Variants in TROAP observed in about 807,000 individuals in gnomAD.
TROAP encodes tastin.
Under a neutral mutation model 83.4 loss-of-function variants are expected in TROAP, and 62 were observed. The observed-to-expected ratio is 0.74, with a 90% confidence interval of 0.61 to 0.92. The LOEUF (loss-of-function observed/expected upper bound fraction) is 0.92. TROAP is among the 40% of genes least tolerant of loss of function. The pLI is 0.00. For missense variants in TROAP, 876 were observed against 985.1 expected, an observed-to-expected ratio of 0.89 and a Z score of 1.48; for synonymous variants, 352 against 386.4, an observed-to-expected ratio of 0.91 and a Z score of 1.04.
At chr12:49,326,045 T>C (rs779879605) in intron 5 of TROAP, 31 bp from the exon 6 acceptor site, 27 of 1,611,904 alleles carry the variant, frequency 1.7e-5, no homozygotes, top group Non-Finnish European at 2.2e-5. Context: ...CACCTCTGAT[T>C]CCGTTTTCAT....
rs374468033 is a variant in TROAP at position 49,331,091 on chromosome 12, G to A, written c.2099-123G>A. ...CTGGCTCTCCCTCAGGAAGAGGGGA[G>A]GGGCTGCACTTCCAGCCCTGTGCTC... On this transcript the variant is annotated intron_variant, in intron 13 of 14. Coordinates refer to ENST00000257909, the MANE Select transcript of TROAP (RefSeq NM_005480.4). The A allele has an allele frequency of 1.8e-4, 280 of 1,522,698 alleles. No homozygotes were observed. In the African/African-American group the frequency reaches 3.2e-3, roughly 17 times the overall value. 94.3% of individuals were successfully genotyped at this position (1,522,698 alleles called of 1,614,324 possible).
rs773158155 is a variant in TROAP at position 49,329,927 on chromosome 12, C to T, written c.1235C>T (p.Pro412Leu). Residue 412 changes from proline to leucine, a missense_variant, in exon 12 of 15, where the codon CCG becomes CTG. Pro to Leu is a moderately conservative substitution (Grantham distance 98). Transcript: ENST00000257909. The surrounding 1 kb of genome is among the most constrained non-coding windows in gnomAD (Gnocchi z 4.5). The part of the protein sequence containing the change: ...IRSLEGSGKP[P>L]VATPSGPHSN... Reference sequence around the variant, plus strand: ...TCACTGGAGGGTTCTGGGAAACCACCGGTGGCCACTCCTTCTGGACCCCAC... The same window carrying T: ...TCACTGGAGGGTTCTGGGAAACCACTGGTGGCCACTCCTTCTGGACCCCAC... The T allele has an allele frequency of 5.0e-5, 80 of 1,613,916 alleles. No homozygotes were observed. Among genetic ancestry groups the T allele is most frequent in the Non-Finnish European group, 5.9e-5 (70 of 1,180,002 alleles).
chr12:49,323,638 C>T lies in TROAP; in HGVS notation c.30C>T (p.Pro10=), dbSNP rs1432712769. Residue 10 remains proline, a synonymous_variant, in exon 2 of 15, where the codon CCC becomes CCT. Transcript: ENST00000257909. ...CCACCCGGCAAGCCACGAAGGATCCCCTCCTCCGGGGTGTATCTCCTACCC... is the reference window on the plus strand; with the variant it reads ...CCACCCGGCAAGCCACGAAGGATCCTCTCCTCCGGGGTGTATCTCCTACCC... MTTRQATKD[P]LLRGVSPTPS... 1 of 1,614,044 alleles carries T rather than the reference C, an allele frequency of 6.2e-7. No individual in the cohort carries two copies. Among genetic ancestry groups the T allele is most frequent in the South Asian group, 1.1e-5 (1 of 91,076 alleles).
Position 49,330,171 on chromosome 12 carries a change from G to A in TROAP, c.1326G>A (p.Leu442=). ...GCATCGGTATCCTGCAACAGCTGTTGAGACAGGAAGTAGAGGGGCTGGTAG... is the reference window on the plus strand; with the variant it reads ...GCATCGGTATCCTGCAACAGCTGTTAAGACAGGAAGTAGAGGGGCTGGTAG... ...IQRIGILQQL[L]RQEVEGLVGG... Residue 442 remains leucine, a synonymous_variant, in exon 13 of 15, where the codon TTG becomes TTA. Transcript: ENST00000257909. 6.2e-7 allele frequency: 1 copy of A among 1,613,962 alleles called. No individual in the cohort carries two copies. The highest frequency in any genetic ancestry group is 8.5e-7 in the Non-Finnish European group (1 of 1,179,896).
chr12:49,324,884 C>T (rs1264082949), intron 3 of TROAP, among the ~76,000 whole-genome samples: 1 of 150,476 alleles, frequency 6.6e-6, no homozygotes, highest in Non-Finnish European at 1.5e-5. Flanking sequence ...CCTGCCACCA[C>T]ACCCAGCTAA....
Position 49,323,975 on chromosome 12 carries a change from T to G in TROAP, c.275T>G (p.Leu92Trp). The G allele has an allele frequency of 6.2e-7, 1 of 1,614,206 alleles. No individual in the cohort carries two copies. The highest frequency in any genetic ancestry group is 8.5e-7 in the Non-Finnish European group (1 of 1,180,044). ...LVGISQPRNP[L>W]EELRPSPRGQ... Reference sequence around the variant, plus strand: ...GGGATCAGTCAGCCTCGGAACCCCTTGGAAGAGCTCAGGCCTAGCCCTAGG... The same window carrying G: ...GGGATCAGTCAGCCTCGGAACCCCTGGGAAGAGCTCAGGCCTAGCCCTAGG... The change falls in exon 3 of 15, where the codon TTG becomes TGG. Residue 92 changes from leucine to tryptophan, a missense_variant. By Grantham distance (61) the Leu-to-Trp change is moderately conservative (BLOSUM62 -2). Coordinates refer to ENST00000257909, the MANE Select transcript of TROAP (RefSeq NM_005480.4).
Position 49,323,918 on chromosome 12 carries a change from G to A in TROAP, c.218G>A (p.Arg73Lys). The A allele has an allele frequency of 6.2e-7, 1 of 1,614,098 alleles. No homozygotes were observed. Among genetic ancestry groups the A allele is most frequent in the Non-Finnish European group, 8.5e-7 (1 of 1,180,034 alleles). ...TCAGCAGGCCCCAGGCCGAAAGCCA[G>A]GCACCAGGCAGAGACATCACAAAGA... ...VDSAGPRPKA[R>K]HQAETSQRLV... Residue 73 changes from arginine to lysine, a missense_variant, in exon 3 of 15, where the codon AGG (arginine) becomes AAG (lysine). By Grantham distance (26) the Arg-to-Lys change is conservative. Transcript: ENST00000257909.
In TROAP at chr12:49,329,408, G is replaced by A. The variant is rs145333094; in HGVS notation, c.1118G>A (p.Arg373His). 9.9e-5 allele frequency: 159 copies of A among 1,612,812 alleles called. 1 individual carries two copies. The African/African-American group carries it at 1.1e-3, about 12-fold the overall frequency. The change falls in exon 11 of 15, where the codon CGT (arginine) becomes CAT (histidine). Residue 373 changes from arginine to histidine, a missense_variant. Physicochemically the swap from Arg to His is conservative, Grantham distance 29. Transcript: ENST00000257909. This position sits in a 1 kb window ranked among gnomAD's most constrained non-coding sequence, Gnocchi z 4.5. Reference sequence around the variant, plus strand: ...CTTCTGTGCCAGGCCCAGTGGCTGCGTGGTGTCTCCCCTCAGTCCTGCTCT... The same window carrying A: ...CTTCTGTGCCAGGCCCAGTGGCTGCATGGTGTCTCCCCTCAGTCCTGCTCT... ...TPRVQQAQWL[R>H]GVSPQSCSED...
In TROAP at chr12:49,327,262, G is replaced by T. The variant is rs547105215; in HGVS notation, c.823G>T (p.Gly275Cys). ...GGTTGTCACTCACTCAGATGAAGGAGGTGTGGCCTCTCTTGGTCTGGCCCA... is the reference window on the plus strand; with the variant it reads ...GGTTGTCACTCACTCAGATGAAGGATGTGTGGCCTCTCTTGGTCTGGCCCA... ...REVVTHSDEG[G>C]VASLGLAQRV... Residue 275 changes from glycine to cysteine, a missense_variant, in exon 8 of 15, where the codon GGT (glycine) becomes TGT (cysteine). Physicochemically the swap from Gly to Cys is radical, Grantham distance 159. Coordinates refer to ENST00000257909, the MANE Select transcript of TROAP (RefSeq NM_005480.4). The T allele has an allele frequency of 1.7e-5, 28 of 1,614,200 alleles. No homozygotes were observed. The Admixed American group carries it at 4.2e-4, about 24-fold the overall frequency.
intron 3 of TROAP, 26 bp from the exon 4 acceptor site, chr12:49,325,475 C>A: frequency 6.2e-7 from 1 of 1,606,604 alleles, no homozygotes; most frequent in Non-Finnish European, 8.5e-7. Context: ...TTCCCCCTTC[C>A]TTTTCCTTCT....
chr12:49,326,822 A>G, intron 7 of TROAP, 102 bp downstream of exon 7: 2 of 1,323,322 alleles, frequency 1.5e-6, no homozygotes, highest in Middle Eastern at 4.9e-4. Context: ...AGCATGAGGA[A>G]GTGGGAGGCC....
chr12:49,330,618 C>G lies in TROAP; in HGVS notation c.1773C>G (p.Ser591=), dbSNP rs1371434552. 3.1e-6 allele frequency: 5 copies of G among 1,612,882 alleles called. No homozygotes were observed. In the East Asian group the frequency reaches 9.0e-5, roughly 29 times the overall value. Residue 591 remains serine, a synonymous_variant, in exon 13 of 15, where the codon TCC becomes TCG. Transcript: ENST00000257909. ...CAGCAGAACCCAGGCCCCTAGAGTC[C>G]TACTGTAGGATTGAGCCTGAGATAC... The part of the protein sequence containing the change: ...CPPAEPRPLE[S]YCRIEPEIPE...
rs1410452376 is a variant in TROAP, at chr12:49,326,619, T to C, written c.717-49T>C. 3.3e-6 allele frequency: 5 copies of C among 1,537,822 alleles called. No individual in the cohort carries two copies. In the East Asian group the frequency reaches 1.2e-4, roughly 38 times the overall value. ...GTAAAGCACTTAGCACATGTCCAGC[T>C]CATACTTGGTATTCAGTGACTGCTG... is the stretch of plus-strand genomic sequence containing the variant. On this transcript the variant is annotated intron_variant, in intron 6 of 14. Transcript: ENST00000257909.
chr12:49,326,531 G>A, intron 6 of TROAP, 137 bp from the exon 7 acceptor site: 1 of 1,070,222 alleles, frequency 9.3e-7, no homozygotes, highest in Non-Finnish European at 1.3e-6. Context: ...TGGTTTCTTT[G>A]TCAAGTGAGA....
rs1943563700 is a variant in TROAP at position 49,330,519 on chromosome 12, C to G, written c.1674C>G (p.Ser558=). The part of the protein sequence containing the change: ...YPPAEPRPLE[S]CCRSEPEIPE... ...CAGCAGAACCCAGGCCCCTAGAGTC[C>G]TGCTGTAGGAGTGAGCCTGAGATAC... The change falls in exon 13 of 15, where the codon TCC becomes TCG. Residue 558 remains serine, a synonymous_variant. Transcript: ENST00000257909. 6.2e-7 allele frequency: 1 copy of G among 1,613,508 alleles called. No homozygotes were observed. Among genetic ancestry groups the G allele is most frequent in the African/African-American group, 1.3e-5 (1 of 74,872 alleles).
intron 7 of TROAP, 79 bp from the exon 8 acceptor site, chr12:49,327,130 T>G: frequency 6.3e-7 from 1 of 1,578,886 alleles, no homozygotes; most frequent in Non-Finnish European, 8.7e-7. Flanking sequence ...TAATATACCC[T>G]CTTCAGAAGT....
rs772635120 is a variant in TROAP, at chr12:49,323,910, G to A, written c.210G>A (p.Pro70=). 3.1e-6 allele frequency: 5 copies of A among 1,614,014 alleles called. No individual in the cohort carries two copies. The South Asian group carries it at 4.4e-5, about 14-fold the overall frequency. ...TCGTTGATTCAGCAGGCCCCAGGCC[G>A]AAAGCCAGGCACCAGGCAGAGACAT... ...RPLVDSAGPR[P]KARHQAETSQ... Residue 70 remains proline (P), a synonymous_variant, in exon 3 of 15, where the codon CCG becomes CCA. Transcript: ENST00000257909.
chr12:49,324,257 A>C (rs781688463), intron 3 of TROAP: 1 of 1,581,002 alleles, frequency 6.3e-7, no homozygotes, highest in Admixed American at 1.7e-5. Context: ...CTGTAATCAC[A>C]GCTACTCAGG....
At position 49,331,599 on chromosome 12, in the gene TROAP, C is replaced by T. The variant is rs1230716019; in HGVS notation, c.2319C>T (p.Ala773=). Residue 773 remains alanine (A), a synonymous_variant, in exon 15 of 15, where the codon GCC becomes GCT. Coordinates refer to ENST00000257909, the MANE Select transcript of TROAP (RefSeq NM_005480.4). The stretch of plus-strand genomic sequence containing the variant: ...GTTTCATTCCAGTTGGTTCTGCTGC[C>T]CCCCAGGGCTCTCCATGATGAGACA... ...ALCFIPVGSA[A]PQGSP is the part of the protein sequence containing the mutation. 1 of 1,614,204 alleles carries T rather than the reference C, an allele frequency of 6.2e-7. No homozygotes were observed. Among genetic ancestry groups the T allele is most frequent in the Non-Finnish European group, 8.5e-7 (1 of 1,180,044 alleles).
Sources: gnomAD v4.1 joint callset for allele counts (sites outside exome capture counted in the v4.1 genomes callset) on GRCh38, gnomAD v4.1.1 for gene constraint, Gnocchi (gnomAD v3.1) non-coding constraint, MANE v1.5 for transcripts, NCBI Gene and HGNC (gene_info 2026-07-23, HGNC 2026-07-21) for gene names.